LAMA4: variants seen among roughly 807,000 people sequenced by gnomAD.
LAMA4 encodes laminin subunit alpha-4.
LAMA4 carries 127 observed loss-of-function variants against 207.1 expected under a neutral mutation model. The ratio of observed to expected loss-of-function variants is 0.61; its 90% CI spans 0.53 to 0.71. LAMA4 has a LOEUF of 0.71. LAMA4 is among the 30% of genes least tolerant of loss of function. LAMA4 has a pLI of 0.00. For missense variants in LAMA4, 2,093 were observed against 2,246.5 expected, an observed-to-expected ratio of 0.93 and a Z score of 1.38; for synonymous variants, 761 against 816.0, an observed-to-expected ratio of 0.93 and a Z score of 1.15.
At chr6:112,151,607 A>T (rs566544185) in intron 16 of LAMA4, among the ~76,000 whole-genome samples, 1 of 152,090 alleles carries the variant, frequency 6.6e-6, no homozygotes, top group African/African-American at 2.4e-5. Context: ...TATCAGATTT[A>T]TTCCTATGTA....
chr6:112,181,413 G>A (rs999985871), intron 9 of LAMA4, among the ~76,000 whole-genome samples: 1 of 152,120 alleles, frequency 6.6e-6, no homozygotes, highest in East Asian at 1.9e-4. Flanking sequence ...TCACAATTGG[G>A]CCTCTGACAG....
chr6:112,183,966 A>G (rs918557756), intron 9 of LAMA4, among the ~76,000 whole-genome samples: 18 of 151,628 alleles, frequency 1.2e-4, no homozygotes, highest in Admixed American at 4.6e-4. Context: ...AAAAAAAAAA[A>G]AAAGAAAAAA....
Position 112,114,708 on chromosome 6 carries a change from T to A in LAMA4, c.5161A>T (p.Thr1721Ser). The change falls in exon 37 of 39, where the codon ACA (threonine) becomes TCA (serine). Residue 1721 changes from threonine to serine, a missense_variant. By Grantham distance (58) the Thr-to-Ser change is moderately conservative (BLOSUM62 1). Transcript: ENST00000230538. The stretch of plus-strand genomic sequence containing the variant: ...CCATCACAGAGACTCTGCTTGGGTG[T>A]AACTGAGGTGGAAAAATCTCTGATG... ...NGIRDFSTSV[T>S]PKQSLCDGRW... 1 of 1,613,342 alleles carries A rather than the reference T, an allele frequency of 6.2e-7. No individual in the cohort carries two copies. The highest frequency in any genetic ancestry group is 8.5e-7 in the Non-Finnish European group (1 of 1,179,416).
rs1554333028 is a variant in LAMA4, at chr6:112,140,922, C to A, written c.2814G>T (p.Arg938Ser). The change falls in exon 22 of 39, where the codon AGG becomes AGT. Residue 938 changes from arginine (R) to serine (S), a missense_variant and splice_region_variant. Arg to Ser is a moderately radical substitution (Grantham distance 110). Around this residue, in one of 3 missense-constraint regions of LAMA4, gnomAD observed 1,704 missense variants for 1,788.4 expected, o/e 0.95. Transcript: ENST00000230538. Reference protein sequence around the residue: ...PAYFSIVKIERVGKHGKVFLT... With the variant: ...PAYFSIVKIESVGKHGKVFLT... ...AAAACACCTTTCCATGTTTTCCCAC[C>A]CTATTGAGATAAATAATTTTCACTT... is the stretch of plus-strand genomic sequence containing the variant. The A allele has an allele frequency of 1.2e-6, 2 of 1,609,664 alleles. No homozygotes were observed. Among genetic ancestry groups the A allele is most frequent in the Admixed American group, 1.7e-5 (1 of 59,984 alleles).
chr6:112,166,069 A>C (rs190103362), intron 12 of LAMA4: 3 of 152,376 alleles, frequency 2.0e-5, no homozygotes, highest in African/African-American at 7.2e-5. Context: ...AATAGTAACA[A>C]GTCAGAGTTG....
intron 9 of LAMA4, among the ~76,000 whole-genome samples, chr6:112,181,804 A>G (rs1460190764): frequency 6.6e-6 from 1 of 151,552 alleles, no homozygotes; most frequent in African/African-American, 2.4e-5. Context: ...CACCTAGCAC[A>G]CTAACTGTCA....
At chr6:112,253,617 T>C (rs572267011) in intron 2 of LAMA4, 1 of 897,592 alleles carries the variant, frequency 1.1e-6, no homozygotes, top group South Asian at 1.5e-5. Context: ...GTGCCGTGGC[T>C]TGACAAAATG....
chr6:112,139,252 G>A lies in LAMA4; in HGVS notation c.3150C>T (p.Tyr1050=), dbSNP rs371039089. The change falls in exon 24 of 39, where the codon TAC becomes TAT. Residue 1050 remains tyrosine (Y), a synonymous_variant. Coordinates refer to ENST00000230538, the MANE Select transcript of LAMA4 (RefSeq NM_001105206.3). The part of the protein sequence containing the change: ...LAFTQSRAAS[Y]FFDGSGYAVV... ...CGGCATAACCGGAGCCATCGAAGAA[G>A]TAACTGGCAGCCCGACTCTGAGTGA... 13 of 1,614,188 alleles carry A rather than the reference G, an allele frequency of 8.1e-6. No homozygotes were observed. Among genetic ancestry groups the A allele is most frequent in the Non-Finnish European group, 1.1e-5 (13 of 1,180,022 alleles).
At chr6:112,110,270 A>G (rs587726289) in intron 38 of LAMA4, among the ~76,000 whole-genome samples, 5 of 152,334 alleles carry the variant, frequency 3.3e-5, no homozygotes, top group South Asian at 2.1e-4. Flanking sequence ...ATGTGTTAGG[A>G]TGATAGAAGC....
At chr6:112,162,872 T>C (rs545647342) in intron 13 of LAMA4, among the ~76,000 whole-genome samples, 1 of 150,818 alleles carries the variant, frequency 6.6e-6, no homozygotes, top group African/African-American at 2.4e-5. Context: ...AGGGAGAGAG[T>C]ATAGGTAGAA....
chr6:112,126,565 AAGG>A (rs1159491002), intron 31 of LAMA4, among the ~76,000 whole-genome samples: 1 of 152,220 alleles, frequency 6.6e-6, no homozygotes, highest in Non-Finnish European at 1.5e-5. Context: ...TGTATGAACA[AAGG>A]AGAAGTTTCA....
Position 112,122,140 on chromosome 6 carries a change from T to A in LAMA4, c.4349A>T (p.Asn1450Ile). ...DPVALKLPER[N>I]TPRNSHCHLS... Reference sequence around the variant, plus strand: ...GTGGCAATGAGAGTTTCTTGGAGTATTCCGCTCTGGGAGTTTCAGAGCAAC... The same window carrying A: ...GTGGCAATGAGAGTTTCTTGGAGTAATCCGCTCTGGGAGTTTCAGAGCAAC... Residue 1450 changes from asparagine to isoleucine, a missense_variant, in exon 32 of 39, where the codon AAT becomes ATT. Asn to Ile is a moderately radical substitution (Grantham distance 149, BLOSUM62 -3). Coordinates refer to ENST00000230538, the MANE Select transcript of LAMA4 (RefSeq NM_001105206.3). 6.2e-7 allele frequency: 1 copy of A among 1,613,946 alleles called. No individual in the cohort carries two copies. The highest frequency in any genetic ancestry group is 1.3e-5 in the African/African-American group (1 of 75,040).
At chr6:112,183,964 A>AG (rs1554345914) in intron 9 of LAMA4, among the ~76,000 whole-genome samples, 9 of 151,624 alleles carry the variant, frequency 5.9e-5, no homozygotes, top group African/African-American at 2.2e-4. Context: ...AAAAAAAAAA[A>AG]AAAAAGAAAA....
At chr6:112,114,262 CTA>C in intron 37 of LAMA4, 67 bp from the exon 38 acceptor site, 1 of 1,492,902 alleles carries the variant, frequency 6.7e-7, no homozygotes, top group East Asian at 2.3e-5. Context: ...CTGAGAAAGA[CTA>C]TTTATCACAG....
At chr6:112,206,610 C>T (rs932895237) in intron 4 of LAMA4, among the ~76,000 whole-genome samples, 2 of 152,066 alleles carry the variant, frequency 1.3e-5, no homozygotes, top group East Asian at 3.9e-4. Context: ...GACTGAAAAG[C>T]CATATGTAGG....
chr6:112,133,107 T>G (rs1180000364), intron 27 of LAMA4, among the ~76,000 whole-genome samples: 1 of 152,182 alleles, frequency 6.6e-6, no homozygotes, highest in Non-Finnish European at 1.5e-5. Flanking sequence ...TGAACAATGA[T>G]GCTAGCACAC....
intron 16 of LAMA4, among the ~76,000 whole-genome samples, chr6:112,153,992 C>T (rs1047417956): frequency 2.0e-5 from 3 of 152,102 alleles, no homozygotes; most frequent in South Asian, 4.1e-4. Context: ...AGATTAATTA[C>T]TTCAACAAAA....
At chr6:112,171,198 CCTTTT>C (rs1174440166) in intron 12 of LAMA4, among the ~76,000 whole-genome samples, 1 of 151,778 alleles carries the variant, frequency 6.6e-6, no homozygotes, top group African/African-American at 2.4e-5. Context: ...GATTTCATTT[CCTTTT>C]ATCTGTCTCT....
intron 2 of LAMA4, chr6:112,234,382 C>G (rs1451935183): frequency 6.6e-6 from 1 of 152,082 alleles, no homozygotes; most frequent in Non-Finnish European, 1.5e-5. Flanking sequence ...AGGTTTATGA[C>G]AGCTACTCAG....
Sources: gnomAD v4.1 joint callset for allele counts (sites outside exome capture counted in the v4.1 genomes callset) on GRCh38, gnomAD v4.1.1 for gene constraint, gnomAD v4.1.1 regional missense constraint, MANE v1.5 for transcripts, NCBI Gene and HGNC (gene_info 2026-07-23, HGNC 2026-07-21) for gene names.